FKBP8: variants seen among roughly 807,000 people sequenced by gnomAD.
FKBP8 encodes the protein peptidyl-prolyl cis-trans isomerase FKBP8.
FKBP8 carries 5 observed loss-of-function variants against 41.7 expected under a neutral mutation model. The ratio of observed to expected loss-of-function variants is 0.12; its 90% confidence interval spans 0.06 to 0.25. The LOEUF (loss-of-function observed/expected upper bound fraction) is 0.25. Ranked by LOEUF, FKBP8 falls within the 10% of genes least tolerant of loss-of-function variation. FKBP8 has a pLI of 1.00. For missense variants in FKBP8, 397 were observed against 563.0 expected, an observed-to-expected ratio of 0.71 and a Z score of 2.98; for synonymous variants, 279 against 254.5, an observed-to-expected ratio of 1.10 and a Z score of -0.92.
intron 2 of FKBP8, among the ~76,000 whole-genome samples, chr19:18,540,669 C>T (rs1399574301): frequency 4.6e-5 from 7 of 151,470 alleles, no homozygotes; most frequent in South Asian, 2.1e-4. Context: ...GTCAGGAGTT[C>T]GAGACCAGCC....
chr19:18,537,616 G>C lies in FKBP8; in HGVS notation c.930C>G (p.Leu310=), dbSNP rs185331003. 2 of 1,601,006 alleles carry C rather than the reference G, an allele frequency of 1.2e-6. No individual in the cohort carries two copies. The highest frequency in any genetic ancestry group is 1.7e-6 in the Non-Finnish European group (2 of 1,171,600). ...TGTGGCCTACCTTGCCCTTGCGGAA[G>C]AGAGCCTTGATGTTGTCTGGCTGGT... ...LEHQPDNIKA[L]FRKGKVLAQQ... is the part of the protein sequence containing the mutation. The change falls in exon 6 of 9, where the codon CTC becomes CTG. Residue 310 remains leucine, a synonymous_variant. Coordinates refer to ENST00000608443, the MANE Select transcript of FKBP8 (RefSeq NM_012181.5). The surrounding 1 kb of genome is among the most constrained non-coding windows in gnomAD (Gnocchi z 4.4).
chr19:18,536,942 A>T (rs1452519712), intron 6 of FKBP8, among the ~76,000 whole-genome samples: 1 of 152,170 alleles, frequency 6.6e-6, no homozygotes, highest in Non-Finnish European at 1.5e-5. Context: ...TGATAGCAGG[A>T]GGGGGAAGAC....
At chr19:18,532,829 C>A in intron 7 of FKBP8, 34 bp from the exon 8 acceptor site, 1 of 1,608,474 alleles carries the variant, frequency 6.2e-7, no homozygotes, top group East Asian at 2.2e-5. Flanking sequence ...GAACACGCAG[C>A]GGCCAACCTG....
intron 1 of FKBP8, chr19:18,543,132 C>G: frequency 3.6e-6 from 1 of 277,054 alleles, no homozygotes; most frequent in South Asian, 2.7e-5. Context: ...CCCACAGCCC[C>G]GGCCGGGCCC....
chr19:18,535,151 C>T, intron 6 of FKBP8, among the ~76,000 whole-genome samples: 1 of 152,126 alleles, frequency 6.6e-6, no homozygotes, highest in Admixed American at 6.6e-5. Flanking sequence ...AACTCCTGGG[C>T]TCAACCAATC....
chr19:18,542,914 C>G, intron 1 of FKBP8: 2 of 1,281,420 alleles, frequency 1.6e-6, no homozygotes, highest in South Asian at 1.2e-5. Context: ...GGCTCGGAGC[C>G]CCACTTTGAG....
Position 18,531,960 on chromosome 19 carries a change from G to T in FKBP8, c.*209C>A. 1 of 583,010 alleles carries T rather than the reference G, an allele frequency of 1.7e-6. No individual in the cohort carries two copies. The highest frequency in any genetic ancestry group is 3.1e-6 in the Non-Finnish European group (1 of 322,666). 36.1% of individuals were successfully genotyped at this position (583,010 alleles called of 1,614,324 possible). A position where few individuals can be genotyped will look rare whatever the true frequency, so the allele number is the denominator to read the frequency against. On this transcript the variant is annotated 3_prime_UTR_variant, in exon 9 of 9. Transcript: ENST00000608443. ...AGGAGGGTGGGGGAAAACTGGGTCT[G>T]AAGGAATGAGGGCCCCCTCCCTCTG...
chr19:18,539,528 C>T, intron 3 of FKBP8, 23 bp downstream of exon 3: 1 of 1,612,034 alleles, frequency 6.2e-7, no homozygotes, highest in Non-Finnish European at 8.5e-7. Flanking sequence ...CTCGCCCCTG[C>T]CCTGTCCCGC....
At chr19:18,539,335 G>A in intron 4 of FKBP8, 36 bp downstream of exon 4, 3 of 1,570,760 alleles carry the variant, frequency 1.9e-6, no homozygotes, top group Non-Finnish European at 2.6e-6. Flanking sequence ...TCCCCCTCCT[G>A]AGACCTGCAG....
chr19:18,537,120 C>T lies in FKBP8; in HGVS notation c.945+481G>A, dbSNP rs1440826284. Reference sequence around the variant, plus strand: ...TGGGGAGACTGAGGCGGGCAGATCACTTGAGGTCAGGAGTTCGAGACCAGC... The same window carrying T: ...TGGGGAGACTGAGGCGGGCAGATCATTTGAGGTCAGGAGTTCGAGACCAGC... On this transcript the variant is annotated intron_variant, in intron 6 of 8. Coordinates refer to ENST00000608443, the MANE Select transcript of FKBP8 (RefSeq NM_012181.5). The surrounding 1 kb of genome is among the most constrained non-coding windows in gnomAD (Gnocchi z 4.4). Among the ~76,000 whole-genome samples the T allele has an allele frequency of 6.6e-6, 1 of 152,112 alleles. No homozygotes were observed. Among genetic ancestry groups the T allele is most frequent in the Non-Finnish European group, 1.5e-5 (1 of 68,032 alleles).
rs762851657 is a variant in FKBP8, at chr19:18,533,365, T to C, written c.946-18A>G. The C allele has an allele frequency of 1.3e-6, 2 of 1,591,422 alleles. No individual in the cohort carries two copies. The highest frequency in any genetic ancestry group is 2.3e-5 in the South Asian group (2 of 87,616). On this transcript the variant is annotated intron_variant, in intron 6 of 8. Coordinates refer to ENST00000608443, the MANE Select transcript of FKBP8 (RefSeq NM_012181.5). ...GCCAGCACCTGTAAGGGGAAGGGGGTGGCATCACTCTGGACCCATACCTGG... is the reference window on the plus strand; with the variant it reads ...GCCAGCACCTGTAAGGGGAAGGGGGCGGCATCACTCTGGACCCATACCTGG...
intron 7 of FKBP8, 73 bp downstream of exon 7, chr19:18,533,197 A>G: frequency 7.2e-7 from 1 of 1,383,488 alleles, no homozygotes. Context: ...AGCCACAGCA[A>G]GAAAGACCTG....
chr19:18,541,914 T>A lies in FKBP8; in HGVS notation c.57A>T (p.Pro19=). 1.9e-6 allele frequency: 3 copies of A among 1,614,070 alleles called. No individual in the cohort carries two copies. The highest frequency in any genetic ancestry group is 2.5e-6 in the Non-Finnish European group (3 of 1,179,994). ...EPSAPLPAGV[P]PLEDFEVLDG... ...CCAGTACCTCGAAGTCCTCGAGCGG[T>A]GGGACCCCGGCGGGCAGTGGGGCAG... Residue 19 remains proline (P), a synonymous_variant, in exon 2 of 9, where the codon CCA becomes CCT. Transcript: ENST00000608443.
chr19:18,540,720 A>G (rs1178481618), intron 2 of FKBP8, among the ~76,000 whole-genome samples: 2 of 152,084 alleles, frequency 1.3e-5, no homozygotes, highest in Non-Finnish European at 2.9e-5. Flanking sequence ...AAAAATACAA[A>G]AATCAGCCAG....
At chr19:18,539,321 C>T in intron 4 of FKBP8, 50 bp downstream of exon 4, 1 of 1,515,374 alleles carries the variant, frequency 6.6e-7, no homozygotes, top group Non-Finnish European at 9.1e-7. Context: ...ACCCACTCCA[C>T]CCATCCCCCT....
intron 2 of FKBP8, among the ~76,000 whole-genome samples, chr19:18,541,149 G>C (rs1200502473): frequency 1.3e-5 from 2 of 151,388 alleles, no homozygotes; most frequent in Admixed American, 6.6e-5. Context: ...GAACATGTGG[G>C]GGCTCATGTA....
At chr19:18,536,358 G>A (rs1429887107) in intron 6 of FKBP8, among the ~76,000 whole-genome samples, 1 of 152,062 alleles carries the variant, frequency 6.6e-6, no homozygotes, top group Admixed American at 6.6e-5. Flanking sequence ...TTTTTTTTCT[G>A]TTCTCGTGTT....
At chr19:18,532,568 G>A (rs1568408317) in intron 8 of FKBP8, 96 bp downstream of exon 8, 6 of 1,530,886 alleles carry the variant, frequency 3.9e-6, no homozygotes, top group African/African-American at 2.7e-5. Flanking sequence ...CGCCCAGGAC[G>A]GCCCAGTCTC....
intron 6 of FKBP8, among the ~76,000 whole-genome samples, chr19:18,535,480 GAGA>G: frequency 6.6e-6 from 1 of 152,072 alleles, no homozygotes; most frequent in East Asian, 2.0e-4. Context: ...TTGCTAAGGG[GAGA>G]AGATGGAGCT....
Sources: gnomAD v4.1 joint callset for allele counts (sites outside exome capture counted in the v4.1 genomes callset) on GRCh38, gnomAD v4.1.1 for gene constraint, Gnocchi (gnomAD v3.1) non-coding constraint, MANE v1.5 for transcripts, NCBI Gene and HGNC (gene_info 2026-07-23, HGNC 2026-07-21) for gene names.